Variants in ARHGAP10 observed in about 807,000 individuals in gnomAD.
ARHGAP10 encodes the protein Rho GTPase activating protein 10.
ARHGAP10 carries 87 observed loss-of-function variants against 108.6 expected under a neutral mutation model. That is an observed-to-expected ratio of 0.80 (90% CI 0.67 to 0.96). ARHGAP10 has a LOEUF of 0.96. Ranked by LOEUF, ARHGAP10 falls within the 40% of genes least tolerant of loss-of-function variation. ARHGAP10 has a pLI of 0.00. For synonymous variants in ARHGAP10, 347 were observed against 341.1 expected, an observed-to-expected ratio of 1.02 and a Z score of -0.19; for missense variants, 939 against 954.5, an observed-to-expected ratio of 0.98 and a Z score of 0.21.
chr4:147,864,625 C>A, intron 5 of ARHGAP10: 1 of 450,984 alleles, frequency 2.2e-6, no homozygotes. Flanking sequence ...CTTCTGTGGA[C>A]CATAAAGTTC....
intron 13 of ARHGAP10, among the ~76,000 whole-genome samples, chr4:147,937,930 G>T (rs1738018659): frequency 1.3e-5 from 2 of 152,196 alleles, no homozygotes; most frequent in African/African-American, 4.8e-5. Context: ...AGTGAGCCGA[G>T]ATTGCTCCAT....
At chr4:147,887,204 C>T (rs1266689131) in intron 10 of ARHGAP10, among the ~76,000 whole-genome samples, 1 of 152,024 alleles carries the variant, frequency 6.6e-6, no homozygotes, top group Non-Finnish European at 1.5e-5. Flanking sequence ...GAGCTGTTTC[C>T]CGCTCTAGAC....
intron 22 of ARHGAP10, among the ~76,000 whole-genome samples, chr4:148,068,634 C>T (rs2149694480): frequency 6.6e-6 from 1 of 152,242 alleles, no homozygotes; most frequent in East Asian, 1.9e-4. Context: ...CTGAATTTTA[C>T]CCATAGCCAT....
intron 1 of ARHGAP10, among the ~76,000 whole-genome samples, chr4:147,785,000 ATATATGT>A (rs1166028048): frequency 7.3e-6 from 1 of 137,204 alleles, no homozygotes; most frequent in Non-Finnish European, 1.5e-5. Flanking sequence ...ATATTATGAA[ATATATGT>A]TATATATTAT....
At position 147,881,841 on chromosome 4, in the gene ARHGAP10, G is replaced by C; in HGVS notation, c.943G>C (p.Asp315His). ...TGTTCAAAATGATTATTTGCAGGGGGACGGAGAGGTGTTCTTTTTGAAAGA... is the reference window on the plus strand; with the variant it reads ...TGTTCAAAATGATTATTTGCAGGGGCACGGAGAGGTGTTCTTTTTGAAAGA... ...FEHRSGGKLG[D>H]GEVFFLKECT... The change falls in exon 10 of 23, where the codon GAC becomes CAC. Residue 315 changes from aspartate (D) to histidine (H), a missense_variant. Coordinates refer to ENST00000336498, the MANE Select transcript of ARHGAP10 (RefSeq NM_024605.4). The C allele has an allele frequency of 6.2e-7, 1 of 1,613,898 alleles. No homozygotes were observed. The highest frequency in any genetic ancestry group is 8.5e-7 in the Non-Finnish European group (1 of 1,179,904).
chr4:147,991,398 G>A (rs73853999), intron 18 of ARHGAP10, among the ~76,000 whole-genome samples: 2 of 151,900 alleles, frequency 1.3e-5, no homozygotes, highest in African/African-American at 4.8e-5. Flanking sequence ...TCCACATCCC[G>A]GCTTCCTCAT....
intron 14 of ARHGAP10, among the ~76,000 whole-genome samples, chr4:147,940,391 G>A (rs1261288056): frequency 1.3e-5 from 2 of 152,194 alleles, no homozygotes. Context: ...TGCTCCATCT[G>A]TGCTGATAAC....
At chr4:148,055,027 T>G (rs567986691) in intron 20 of ARHGAP10, among the ~76,000 whole-genome samples, 1 of 152,358 alleles carries the variant, frequency 6.6e-6, no homozygotes, top group East Asian at 1.9e-4. Context: ...TTACAGTTCC[T>G]TTTCTGTTCA....
At chr4:147,856,170 C>T (rs1027816099) in intron 4 of ARHGAP10, among the ~76,000 whole-genome samples, 1 of 152,192 alleles carries the variant, frequency 6.6e-6, no homozygotes, top group African/African-American at 2.4e-5. Flanking sequence ...TTAGGGGAGA[C>T]ACCCATCTTC....
At chr4:147,788,853 A>G (rs1354066457) in intron 1 of ARHGAP10, among the ~76,000 whole-genome samples, 1 of 152,214 alleles carries the variant, frequency 6.6e-6, no homozygotes, top group Non-Finnish European at 1.5e-5. Context: ...ATGCTTTATT[A>G]AGCTACAAGC....
chr4:147,954,789 A>G (rs138295972), intron 15 of ARHGAP10, among the ~76,000 whole-genome samples: 143 of 152,154 alleles, frequency 9.4e-4, no homozygotes, highest in African/African-American at 3.2e-3. Flanking sequence ...TGCTGTGTAT[A>G]TTTTTAAAGT....
intron 18 of ARHGAP10, among the ~76,000 whole-genome samples, chr4:147,986,001 G>A (rs1740031582): frequency 6.6e-6 from 1 of 152,190 alleles, no homozygotes; most frequent in African/African-American, 2.4e-5. Flanking sequence ...TGCTGTTGAA[G>A]TGGATTTCCG....
intron 18 of ARHGAP10, among the ~76,000 whole-genome samples, chr4:148,016,346 G>T (rs978730433): frequency 6.6e-6 from 1 of 151,982 alleles, no homozygotes; most frequent in African/African-American, 2.4e-5. Flanking sequence ...CTACAAAAAC[G>T]TTAAAAATTA....
At position 147,966,689 on chromosome 4, in the gene ARHGAP10, T is replaced by C. The variant is rs1038645250; in HGVS notation, c.1566T>C (p.Asn522=). The change falls in exon 18 of 23, where the codon AAT becomes AAC. Residue 522 remains asparagine (N), a synonymous_variant. Coordinates refer to ENST00000336498, the MANE Select transcript of ARHGAP10 (RefSeq NM_024605.4). The part of the protein sequence containing the change: ...ILVKHLTNVS[N]HSKQNLMTVA... Reference sequence around the variant, plus strand: ...CCCTTACCAATTTCAGTGTTTCAAATCACTCCAAGCAGAACCTGATGACTG... The same window carrying C: ...CCCTTACCAATTTCAGTGTTTCAAACCACTCCAAGCAGAACCTGATGACTG... 9.6e-6 allele frequency: 15 copies of C among 1,565,310 alleles called. No homozygotes were observed. The highest frequency in any genetic ancestry group is 1.3e-5 in the Non-Finnish European group (15 of 1,150,488).
intron 1 of ARHGAP10, among the ~76,000 whole-genome samples, chr4:147,820,820 G>A (rs562498586): frequency 1.6e-3 from 236 of 152,018 alleles, no homozygotes; most frequent in African/African-American, 5.5e-3. Context: ...CAAACTCCTG[G>A]TCTCAAGTGA....
intron 19 of ARHGAP10, among the ~76,000 whole-genome samples, chr4:148,035,356 C>T (rs937033832): frequency 3.3e-5 from 5 of 151,970 alleles, no homozygotes; most frequent in African/African-American, 1.2e-4. Flanking sequence ...TCAGGAGTTG[C>T]CTTTTTAGTT....
chr4:148,009,343 T>A (rs1325616943), intron 18 of ARHGAP10, among the ~76,000 whole-genome samples: 3 of 152,074 alleles, frequency 2.0e-5, no homozygotes, highest in African/African-American at 7.2e-5. Context: ...TGTTGGCCAG[T>A]CTGGTCTCCA....
At chr4:148,065,374 T>C (rs1264991400) in intron 22 of ARHGAP10, 1 of 152,236 alleles carries the variant, frequency 6.6e-6, no homozygotes, top group Non-Finnish European at 1.5e-5. Flanking sequence ...GATTGTTTTT[T>C]AGAAAGCAAG....
chr4:147,913,735 T>TA (rs1488261324), intron 13 of ARHGAP10, among the ~76,000 whole-genome samples: 1 of 152,172 alleles, frequency 6.6e-6, no homozygotes. Flanking sequence ...TTTAGGGGGA[T>TA]ACAGTTCAGC....
Sources: gnomAD v4.1 joint callset for allele counts (sites outside exome capture counted in the v4.1 genomes callset) on GRCh38, gnomAD v4.1.1 for gene constraint, MANE v1.5 for transcripts, NCBI Gene and HGNC (gene_info 2026-07-23, HGNC 2026-07-21) for gene names.